Variants in CCNF observed in about 807,000 individuals in gnomAD.
CCNF encodes cyclin F, also known as cyclin-F.
In CCNF, 30 loss-of-function variants were observed where a neutral mutation model predicts 85.4. The observed-to-expected ratio is 0.35, with a 90% CI of 0.26 to 0.48. CCNF has a LOEUF of 0.48. Among genes scored for constraint, CCNF ranks in the 20% least tolerant of loss-of-function variants. CCNF has a pLI of 0.99. For synonymous variants in CCNF, 439 were observed against 425.1 expected, an observed-to-expected ratio of 1.03 and a Z score of -0.40; for missense variants, 919 against 1,010.4, an observed-to-expected ratio of 0.91 and a Z score of 1.23.
intron 8 of CCNF, among the ~76,000 whole-genome samples, chr16:2,441,972 TA>T (rs2065324604): frequency 1.0e-4 from 14 of 134,508 alleles, no homozygotes; most frequent in South Asian, 2.3e-4. Context: ...TATATATATA[TA>T]TATATATATG....
Position 2,457,084 on chromosome 16 carries a change from A to T in CCNF, c.*64A>T, listed in dbSNP as rs1407562818. The T allele has an allele frequency of 2.4e-6, 3 of 1,226,452 alleles. No individual in the cohort carries two copies. The highest frequency in any genetic ancestry group is 3.4e-6 in the Non-Finnish European group (3 of 877,586). 76.0% of individuals were successfully genotyped at this position (1,226,452 alleles called of 1,614,324 possible). On this transcript the variant is annotated 3_prime_UTR_variant, in exon 17 of 17. Transcript: ENST00000397066. ...GGGGCTGGAGGCGAAGGGTGGGAGC[A>T]TAGCATAGGAACGCTGCATAGACCA...
chr16:2,449,165 C>T (rs756837670), intron 11 of CCNF, 117 bp from the exon 12 acceptor site: 34 of 1,442,346 alleles, frequency 2.4e-5, no homozygotes, highest in Middle Eastern at 1.7e-4. Context: ...TGGTGCGCTA[C>T]GCGTGCAGCA....
At chr16:2,441,216 G>C (rs1205605084) in intron 8 of CCNF, among the ~76,000 whole-genome samples, 1 of 151,470 alleles carries the variant, frequency 6.6e-6, no homozygotes, top group Non-Finnish European at 1.5e-5. Context: ...CCTGGCAACA[G>C]AGCGATACTC....
At chr16:2,432,427 A>C (rs939855802) in intron 2 of CCNF, among the ~76,000 whole-genome samples, 4 of 152,154 alleles carry the variant, frequency 2.6e-5, no homozygotes, top group African/African-American at 9.7e-5. Context: ...TTCCAATGGC[A>C]GTGGAAACTT....
intron 15 of CCNF, among the ~76,000 whole-genome samples, chr16:2,455,022 T>C (rs1171160592): frequency 7.2e-6 from 1 of 138,102 alleles, no homozygotes; most frequent in African/African-American, 2.8e-5. Flanking sequence ...ATCACACCAC[T>C]GCACTCTAGC....
intron 12 of CCNF, 31 bp downstream of exon 12, chr16:2,449,493 T>C (rs1344373527): frequency 5.1e-6 from 8 of 1,583,826 alleles, no homozygotes; most frequent in Non-Finnish European, 6.8e-6. Flanking sequence ...GGGATGCCTG[T>C]GTCGGGGAAG....
chr16:2,442,797 CTATA>C (rs2065336735), intron 8 of CCNF, among the ~76,000 whole-genome samples: 3 of 11,380 alleles, frequency 2.6e-4, no homozygotes, highest in Non-Finnish European at 2.6e-4. Context: ...ATATTATATT[CTATA>C]ATATATAATA....
intron 13 of CCNF, among the ~76,000 whole-genome samples, chr16:2,450,378 G>T (rs1412248619): frequency 1.3e-5 from 2 of 149,384 alleles, no homozygotes; most frequent in African/African-American, 5.0e-5. Context: ...GGGCGTGGTG[G>T]CATGCGCCTG....
At chr16:2,438,266 C>T (rs1307508259) in intron 6 of CCNF, 143 bp downstream of exon 6, 2 of 725,182 alleles carry the variant, frequency 2.8e-6, no homozygotes, top group Admixed American at 3.9e-5. Flanking sequence ...GCTGGAGAAG[C>T]CAGGGGACAC....
At chr16:2,430,391 G>A (rs1206597635) in intron 1 of CCNF, among the ~76,000 whole-genome samples, 2 of 152,212 alleles carry the variant, frequency 1.3e-5, no homozygotes, top group South Asian at 4.1e-4. Flanking sequence ...AAATCCGGCT[G>A]TGGGAAGAGG....
At chr16:2,455,683 G>C in intron 16 of CCNF, 119 bp downstream of exon 16, 2 of 1,405,534 alleles carry the variant, frequency 1.4e-6, no homozygotes, top group Non-Finnish European at 1.9e-6. Context: ...CACAGAGTGC[G>C]GGGTGGGGCC....
chr16:2,457,239 G>A lies in CCNF; in HGVS notation c.*219G>A, dbSNP rs1037914885. On this transcript the variant is annotated 3_prime_UTR_variant, in exon 17 of 17. Transcript: ENST00000397066. The stretch of plus-strand genomic sequence containing the variant: ...GAGCTCAGATCCCTCTCTTTGGAAA[G>A]TTTAGCCTGGAAGCAGTTGGCCACA... The A allele has an allele frequency of 2.0e-6, 1 of 498,864 alleles. No individual in the cohort carries two copies. The highest frequency in any genetic ancestry group is 3.5e-6 in the Non-Finnish European group (1 of 282,584). 30.9% of individuals were successfully genotyped at this position (498,864 alleles called of 1,614,324 possible). A position where few individuals can be genotyped will look rare whatever the true frequency, so the allele number is the denominator to read the frequency against.
intron 8 of CCNF, among the ~76,000 whole-genome samples, chr16:2,442,254 G>A (rs1029829560): frequency 6.0e-4 from 83 of 138,934 alleles, no homozygotes; most frequent in Non-Finnish European, 9.6e-4. Context: ...TGATCTGCCC[G>A]CCTCGGCCTC....
chr16:2,429,554 C>T, intron 1 of CCNF, 57 bp downstream of exon 1: 2 of 1,222,038 alleles, frequency 1.6e-6, no homozygotes, highest in Non-Finnish European at 2.0e-6. Context: ...GCCTGCCCTG[C>T]GGGGCGGACG....
chr16:2,429,524 T>G, intron 1 of CCNF, 27 bp downstream of exon 1: 1 of 1,229,666 alleles, frequency 8.1e-7, no homozygotes, highest in Non-Finnish European at 1.0e-6. Context: ...GTCCGCTGGT[T>G]TCTGCCCCAC....
intron 15 of CCNF, among the ~76,000 whole-genome samples, chr16:2,454,268 G>A (rs1223663405): frequency 6.6e-6 from 1 of 152,180 alleles, no homozygotes; most frequent in Non-Finnish European, 1.5e-5. Context: ...AGCAGCCAAA[G>A]CCCCTGCTGC....
At chr16:2,445,701 C>G in intron 10 of CCNF, 79 bp downstream of exon 10, 2 of 1,295,074 alleles carry the variant, frequency 1.5e-6, no homozygotes, top group South Asian at 1.4e-5. Context: ...TTCATGTGCT[C>G]CTCACTGGTT....
chr16:2,449,860 A>T lies in CCNF; in HGVS notation c.1432A>T (p.Thr478Ser). 1 of 1,554,012 alleles carries T rather than the reference A, an allele frequency of 6.4e-7. No homozygotes were observed. The highest frequency in any genetic ancestry group is 8.7e-7 in the Non-Finnish European group (1 of 1,150,740). ...QPWTTQLWDL[T>S]GFSYEDLIPC... ...CTGGACCACTCAGCTGTGGGACCTC[A>T]CCGGATTCTCCTATGAAGACCTCAT... Residue 478 changes from threonine to serine, a missense_variant, in exon 13 of 17, where the codon ACC becomes TCC. Thr to Ser is a moderately conservative substitution (Grantham distance 58). Transcript: ENST00000397066.
chr16:2,445,698 G>GC (rs1435863368), intron 10 of CCNF, 76 bp downstream of exon 10: 1 of 1,313,688 alleles, frequency 7.6e-7, no homozygotes, highest in African/African-American at 1.5e-5. Flanking sequence ...CCCTTCATGT[G>GC]CTCCTCACTG....
Sources: allele counts gnomAD v4.1 joint callset (sites outside exome capture counted in the v4.1 genomes callset), GRCh38; gene constraint gnomAD v4.1.1; transcripts MANE v1.5; gene names NCBI Gene and HGNC (gene_info 2026-07-23, HGNC 2026-07-21).